Variants in IKZF5 observed in about 807,000 individuals in gnomAD.
IKZF5 encodes the protein zinc finger protein Pegasus.
Under a neutral mutation model 30.7 loss-of-function variants are expected in IKZF5, and 4 were observed. The ratio of observed to expected loss-of-function variants is 0.13; its 90% CI spans 0.06 to 0.30. IKZF5 has a LOEUF of 0.30. Among genes scored for constraint, IKZF5 ranks in the 10% least tolerant of loss-of-function variants. The probability of loss-of-function intolerance (pLI) is 1.00; values close to 1 mark genes in which losing one functional copy is unlikely to be tolerated. For synonymous variants in IKZF5, 148 were observed against 179.6 expected (o/e 0.82, Z 1.41); for missense variants, 348 against 525.5 (o/e 0.66, Z 3.30).
chr10:123,003,421 A>G (rs1849669274), intron 2 of IKZF5, among the ~76,000 whole-genome samples: 1 of 152,314 alleles, frequency 6.6e-6, no homozygotes, highest in South Asian at 2.1e-4. Context: ...AAATTTTGCT[A>G]TCTACAGGGG....
Position 122,992,432 on chromosome 10 carries a change from G to A in IKZF5, c.*1348C>T, listed in dbSNP as rs1849195544. 1 of 152,092 alleles carries A rather than the reference G, an allele frequency of 6.6e-6. No individual in the cohort carries two copies. Among genetic ancestry groups the A allele is most frequent in the Non-Finnish European group, 1.5e-5 (1 of 67,984 alleles). 9.4% of individuals were successfully genotyped at this position (152,092 alleles called of 1,614,324 possible). A position where few individuals can be genotyped will look rare whatever the true frequency, so the allele number is the denominator to read the frequency against. On this transcript the variant is annotated 3_prime_UTR_variant, in exon 5 of 5. Transcript: ENST00000368886. The stretch of plus-strand genomic sequence containing the variant: ...AAATAGAATTTTTGCAAAGTACACA[G>A]AAAAGAAACCAAGTTAGTAACAATG...
intron 2 of IKZF5, among the ~76,000 whole-genome samples, chr10:123,003,179 C>T (rs565158316): frequency 1.5e-5 from 2 of 136,788 alleles, no homozygotes; most frequent in South Asian, 2.2e-4. Context: ...TACAGGTGCC[C>T]GCTACCACAC....
Position 122,998,471 on chromosome 10 carries a change from A to G in IKZF5, c.133+22T>C, listed in dbSNP as rs760668403. ...TACGTGTATAAAAAGTGAATTACTT[A>G]GTAGTATTAAAATGAGTCTACCTCC... On this transcript the variant is annotated intron_variant, in intron 3 of 4. Coordinates refer to ENST00000368886, the MANE Select transcript of IKZF5 (RefSeq NM_001372123.1). The G allele has an allele frequency of 5.0e-6, 8 of 1,594,770 alleles. No individual in the cohort carries two copies. The South Asian group carries it at 9.1e-5, about 18-fold the overall frequency.
chr10:122,997,701 C>G (rs1011222443), intron 3 of IKZF5, among the ~76,000 whole-genome samples: 7 of 152,186 alleles, frequency 4.6e-5, no homozygotes, highest in Non-Finnish European at 7.4e-5. Context: ...GTCTCTACCA[C>G]AACTGCTCAA....
At chr10:123,004,948 A>G (rs1235796550) in intron 2 of IKZF5, among the ~76,000 whole-genome samples, 1 of 152,094 alleles carries the variant, frequency 6.6e-6, no homozygotes, top group Non-Finnish European at 1.5e-5. Context: ...AGCTTTCTAC[A>G]TCTCAAGTCA....
At position 122,991,764 on chromosome 10, in the gene IKZF5, G is replaced by GA. The variant is rs1849169525; in HGVS notation, c.*2015dup. 1 of 151,984 alleles carries GA rather than the reference G, an allele frequency of 6.6e-6. No individual in the cohort carries two copies. The allele number at this position is 151,984 out of a possible 1,614,324, so 9.4% of individuals were successfully genotyped here. A position where few individuals can be genotyped will look rare whatever the true frequency, so the allele number is the denominator to read the frequency against. On this transcript the variant is annotated 3_prime_UTR_variant, in exon 5 of 5. Transcript: ENST00000368886. ...ATTTTACATTCTAGTATGTAATTAT[G>GA]AAAAAAATCTTTTCCATGTTTAAAT...
At chr10:123,004,063 T>C (rs980828008) in intron 2 of IKZF5, among the ~76,000 whole-genome samples, 35 of 152,340 alleles carry the variant, frequency 2.3e-4, no homozygotes, top group Admixed American at 9.8e-4. Flanking sequence ...TACAGTTGAT[T>C]GTGCTGATTA....
intron 2 of IKZF5, among the ~76,000 whole-genome samples, chr10:123,000,474 TA>T (rs1318071735): frequency 6.6e-6 from 1 of 152,266 alleles, no homozygotes; most frequent in Non-Finnish European, 1.5e-5. Flanking sequence ...ATACTGTTTT[TA>T]GATCATTTGG....
In IKZF5 at chr10:122,993,872, T is replaced by G; in HGVS notation, c.1168A>C (p.Asn390His). Residue 390 changes from asparagine to histidine, a missense_variant, in exon 5 of 5, where the codon AAT becomes CAT. This residue lies in a region of IKZF5 where 56 missense variants were observed against 104.7 expected (regional missense o/e 0.53). Transcript: ENST00000368886. The part of the protein sequence containing the change: ...TIHMGCHGYE[N>H]PFQCNICGCK... ...CCACATATATTACACTGAAAAGGAT[T>G]TTCATACCCATGACATCCCATATGA... is the stretch of plus-strand genomic sequence containing the variant. 2.5e-6 allele frequency: 4 copies of G among 1,614,134 alleles called. No individual in the cohort carries two copies. Among genetic ancestry groups the G allele is most frequent in the Non-Finnish European group, 3.4e-6 (4 of 1,179,992 alleles).
chr10:122,995,015 G>C (rs1849310908), intron 4 of IKZF5: 1 of 301,060 alleles, frequency 3.3e-6, no homozygotes, highest in Non-Finnish European at 6.1e-6. Context: ...CAGTACAATT[G>C]AAATATTCTA....
Position 122,997,942 on chromosome 10 carries a change from G to A in IKZF5, c.133+551C>T, listed in dbSNP as rs181712101. Among the ~76,000 whole-genome samples, 22 of 152,216 alleles carry A rather than the reference G, an allele frequency of 1.4e-4. 1 individual carries two copies. In the East Asian group the frequency reaches 3.9e-3, roughly 27 times the overall value. On this transcript the variant is annotated intron_variant, in intron 3 of 4. Coordinates refer to ENST00000368886, the MANE Select transcript of IKZF5 (RefSeq NM_001372123.1). ...AAACAGCAGTCCAGATGGGGCCCAC[G>A]GGCTATAGTTTGCTGACCTCCGAGC...
rs1160258175 is a variant in IKZF5 at position 123,000,529 on chromosome 10, C to T, written c.-46-1858G>A. ...CTGCTGTGAATAAAGTTTCTATGAA[C>T]ATATTACTACACGTTTTTTGATTAC... is the stretch of plus-strand genomic sequence containing the variant. On this transcript the variant is annotated intron_variant, in intron 2 of 4. Coordinates refer to ENST00000368886, the MANE Select transcript of IKZF5 (RefSeq NM_001372123.1). 2.0e-5 allele frequency among the ~76,000 whole-genome samples: 3 copies of T among 152,206 alleles called. No homozygotes were observed. The East Asian group carries it at 5.8e-4, about 29-fold the overall frequency.
At chr10:122,995,107 TCA>T (rs761641545) in intron 4 of IKZF5, among the ~76,000 whole-genome samples, 4 of 152,072 alleles carry the variant, frequency 2.6e-5, no homozygotes, top group East Asian at 3.9e-4. Context: ...ACATTCATAT[TCA>T]CACACACACA....
At chr10:123,008,523 T>G in intron 1 of IKZF5, 171 bp downstream of exon 1, 1 of 195,996 alleles carries the variant, frequency 5.1e-6, no homozygotes, top group Non-Finnish European at 1.1e-5. Context: ...GCTAAAGAGG[T>G]CCCGGGCCAT....
At chr10:123,004,425 C>T (rs1299966853) in intron 2 of IKZF5, among the ~76,000 whole-genome samples, 1 of 151,850 alleles carries the variant, frequency 6.6e-6, no homozygotes, top group Non-Finnish European at 1.5e-5. Flanking sequence ...AGTAAAAACA[C>T]ACAAGACTGC....
At position 122,993,672 on chromosome 10, in the gene IKZF5, G is replaced by A; in HGVS notation, c.*108C>T. 2 of 650,554 alleles carry A rather than the reference G, an allele frequency of 3.1e-6. No homozygotes were observed. Among genetic ancestry groups the A allele is most frequent in the Non-Finnish European group, 5.2e-6 (2 of 385,298 alleles). 40.3% of individuals were successfully genotyped at this position (650,554 alleles called of 1,614,324 possible). A position where few individuals can be genotyped will look rare whatever the true frequency, so the allele number is the denominator to read the frequency against. ...CAAATTTATATTCTATAAATATAAT[G>A]TATAAGCCTTGAATTAGCAGACACT... On this transcript the variant is annotated 3_prime_UTR_variant, in exon 5 of 5. Coordinates refer to ENST00000368886, the MANE Select transcript of IKZF5 (RefSeq NM_001372123.1).
intron 3 of IKZF5, 58 bp downstream of exon 3, chr10:122,998,435 C>A (rs1375794128): frequency 7.0e-7 from 1 of 1,426,656 alleles, no homozygotes; most frequent in Non-Finnish European, 9.7e-7. Context: ...AACAGCTACA[C>A]GCAATCATAG....
intron 4 of IKZF5, among the ~76,000 whole-genome samples, chr10:122,995,511 AG>A (rs1287136671): frequency 1.1e-4 from 16 of 152,230 alleles, no homozygotes; most frequent in African/African-American, 3.9e-4. Context: ...TGAAGCACAC[AG>A]GAAGGACGTC....
In IKZF5 at chr10:122,994,498, A is replaced by C. The variant is rs777642005; in HGVS notation, c.542T>G (p.Val181Gly). Residue 181 changes from valine to glycine, a missense_variant, in exon 5 of 5, where the codon GTT becomes GGT. Around this residue, in one of 4 missense-constraint regions of IKZF5, gnomAD observed 176 missense variants for 198.2 expected, o/e 0.89. Coordinates refer to ENST00000368886, the MANE Select transcript of IKZF5 (RefSeq NM_001372123.1). The surrounding 1 kb of genome is among the most constrained non-coding windows in gnomAD (Gnocchi z 5.6). ...SSLSSKKMWG[V>G]LQKKTSNLGY... ...CAGATTGCTTGTTTTCTTCTGTAAAACCCCCCACATTTTCTTGCTGCTTAA... is the reference window on the plus strand; with the variant it reads ...CAGATTGCTTGTTTTCTTCTGTAAACCCCCCCACATTTTCTTGCTGCTTAA... The C allele has an allele frequency of 5.2e-5, 83 of 1,608,616 alleles. No individual in the cohort carries two copies. The highest frequency in any genetic ancestry group is 6.8e-5 in the Non-Finnish European group (80 of 1,177,916).
Sources: allele counts gnomAD v4.1 joint callset (sites outside exome capture counted in the v4.1 genomes callset), GRCh38; gene constraint gnomAD v4.1.1; regional missense constraint gnomAD v4.1.1; non-coding constraint Gnocchi (gnomAD v3.1); transcripts MANE v1.5; gene names NCBI Gene and HGNC (gene_info 2026-07-23, HGNC 2026-07-21).